The following PADI4 variants were observed in gnomAD, a reference collection of about 807,000 sequenced individuals.
PADI4 encodes the protein protein-arginine deiminase type-4.
A neutral mutation model predicts 75.0 loss-of-function variants in PADI4; 62 were observed. The ratio of observed to expected loss-of-function variants is 0.83; its 90% CI spans 0.67 to 1.02. The LOEUF is 1.02. Among genes scored for constraint, PADI4 ranks in the 50% least tolerant of loss-of-function variants. PADI4 has a pLI of 0.00. For synonymous variants in PADI4, 361 were observed against 348.1 expected (o/e 1.04, Z -0.41); for missense variants, 845 against 850.5 (o/e 0.99, Z 0.08).
At chr1:17,337,580 A>C (rs1253139509) in intron 4 of PADI4, among the ~76,000 whole-genome samples, 1 of 152,110 alleles carries the variant, frequency 6.6e-6, no homozygotes, top group African/African-American at 2.4e-5. Context: ...AGATCAAATA[A>C]TTAATTGATG....
intron 1 of PADI4, among the ~76,000 whole-genome samples, chr1:17,326,183 T>C (rs1368610010): frequency 1.3e-5 from 2 of 152,206 alleles, no homozygotes; most frequent in African/African-American, 2.4e-5. Flanking sequence ...TTGCCAGAGA[T>C]TTGTCAGTTT....
chr1:17,320,182 G>A (rs992362689), intron 1 of PADI4, among the ~76,000 whole-genome samples: 1 of 152,194 alleles, frequency 6.6e-6, no homozygotes, highest in African/African-American at 2.4e-5. Context: ...TCCTTGGCTT[G>A]TGGCCCCTTC....
chr1:17,357,652 G>C (rs11203370), intron 13 of PADI4, among the ~76,000 whole-genome samples: 1 of 151,854 alleles, frequency 6.6e-6, no homozygotes, highest in African/African-American at 2.4e-5. Context: ...ACTAAACTAG[G>C]CTGGGCGCGA....
chr1:17,317,518 C>G (rs1413689014), intron 1 of PADI4, among the ~76,000 whole-genome samples: 1 of 151,872 alleles, frequency 6.6e-6, no homozygotes, highest in Admixed American at 6.6e-5. Flanking sequence ...ATCCGCCCGT[C>G]TCGGCCTCCC....
intron 1 of PADI4, among the ~76,000 whole-genome samples, chr1:17,326,227 T>C (rs2074115800): frequency 6.6e-6 from 1 of 152,254 alleles, no homozygotes; most frequent in Non-Finnish European, 1.5e-5. Context: ...CTTTTGGCTT[T>C]ATTGATTTGT....
At chr1:17,344,193 G>T (rs1192006280) in intron 8 of PADI4, among the ~76,000 whole-genome samples, 3 of 152,172 alleles carry the variant, frequency 2.0e-5, no homozygotes. Flanking sequence ...GTGGCATTTT[G>T]TACCTGCCCT....
chr1:17,321,575 G>A (rs1372277455), intron 1 of PADI4, among the ~76,000 whole-genome samples: 1 of 152,210 alleles, frequency 6.6e-6, no homozygotes, highest in African/African-American at 2.4e-5. Context: ...ATTTAAGAAT[G>A]TGAAATTGAC....
intron 1 of PADI4, among the ~76,000 whole-genome samples, chr1:17,318,740 C>T (rs1214844382): frequency 6.7e-6 from 1 of 149,050 alleles, no homozygotes; most frequent in Non-Finnish European, 1.5e-5. Context: ...GGCTGGAGTG[C>T]AGTGGCGCGA....
chr1:17,342,470 A>G (rs2074440896), intron 8 of PADI4, 68 bp downstream of exon 8: 1 of 940,854 alleles, frequency 1.1e-6, no homozygotes, highest in Non-Finnish European at 1.7e-6. Context: ...CGCAGCACTC[A>G]CTGTGTGATG....
intron 13 of PADI4, among the ~76,000 whole-genome samples, chr1:17,357,930 CA>C (rs774236922): frequency 0.011 from 389 of 35,164 alleles, 5 homozygotes; most frequent in East Asian, 0.096. Context: ...GACTCAGTCT[CA>C]AAAAAAAAAA....
At chr1:17,358,583 AT>A (rs71014941) in intron 13 of PADI4, among the ~76,000 whole-genome samples, 2,553 of 137,154 alleles carry the variant, frequency 0.019, 1,043 homozygotes, top group Middle Eastern at 0.044. Flanking sequence ...AAAAAAAATA[AT>A]AATAAAAATA....
intron 10 of PADI4, among the ~76,000 whole-genome samples, chr1:17,353,628 C>T (rs1426427030): frequency 6.6e-6 from 1 of 152,126 alleles, no homozygotes; most frequent in African/African-American, 2.4e-5. Context: ...CCCTCTACAT[C>T]CTAGTCCCCC....
intron 4 of PADI4, among the ~76,000 whole-genome samples, chr1:17,337,147 TTATG>T (rs59042286): frequency 0.058 from 8,579 of 147,972 alleles, 267 homozygotes; most frequent in African/African-American, 0.076. Context: ...ATTTATGTAT[TTATG>T]TATTTATTTA....
chr1:17,327,175 T>A (rs934136832), intron 1 of PADI4, among the ~76,000 whole-genome samples: 1 of 152,086 alleles, frequency 6.6e-6, no homozygotes, highest in Non-Finnish European at 1.5e-5. Context: ...GGCCTCCCAA[T>A]GTGTTGGTAT....
intron 1 of PADI4, among the ~76,000 whole-genome samples, chr1:17,313,739 C>T (rs948482606): frequency 4.6e-5 from 7 of 151,982 alleles, no homozygotes; most frequent in African/African-American, 1.4e-4. Flanking sequence ...CAGGAGATGG[C>T]GGATGCTGGA....
At chr1:17,342,208 C>A in intron 7 of PADI4, 87 bp downstream of exon 7, 3 of 1,455,316 alleles carry the variant, frequency 2.1e-6, no homozygotes, top group Non-Finnish European at 2.9e-6. Context: ...CCCAGCTGGG[C>A]AGGGGGACTC....
chr1:17,359,121 G>C (rs1227744672), intron 14 of PADI4, among the ~76,000 whole-genome samples, 159 bp from the exon 15 acceptor site: 1 of 151,958 alleles, frequency 6.6e-6, no homozygotes, highest in Non-Finnish European at 1.5e-5. Flanking sequence ...CTGGCCAGAG[G>C]CCCCTCTGTG....
intron 10 of PADI4, among the ~76,000 whole-genome samples, chr1:17,348,505 C>T (rs1052338498): frequency 1.3e-5 from 2 of 152,166 alleles, no homozygotes; most frequent in Admixed American, 1.3e-4. Context: ...GTGACTTTAT[C>T]AGCCACAGGC....
At chr1:17,321,119 G>C (rs1344013395) in intron 1 of PADI4, among the ~76,000 whole-genome samples, 1 of 152,198 alleles carries the variant, frequency 6.6e-6, no homozygotes, top group Non-Finnish European at 1.5e-5. Flanking sequence ...CTTTTGGTTG[G>C]AGTGATAAAG....
Sources: gnomAD v4.1 joint callset for allele counts (sites outside exome capture counted in the v4.1 genomes callset) on GRCh38, gnomAD v4.1.1 for gene constraint, MANE v1.5 for transcripts, NCBI Gene and HGNC (gene_info 2026-07-23, HGNC 2026-07-21) for gene names.